Variants in TTLL11 observed in about 807,000 individuals in gnomAD.
TTLL11 encodes tubulin tyrosine ligase like 11.
Under a neutral mutation model 51.7 loss-of-function variants are expected in TTLL11, and 42 were observed. The ratio of observed to expected loss-of-function variants is 0.81; its 90% CI spans 0.64 to 1.05. The LOEUF (loss-of-function observed/expected upper bound fraction) is 1.05, where lower values mean the gene tolerates loss of function less well. Ranked by LOEUF, TTLL11 falls within the 50% of genes least tolerant of loss-of-function variation. The probability of loss-of-function intolerance (pLI) is 0.00; values close to 1 mark genes in which losing one functional copy is unlikely to be tolerated. For missense variants in TTLL11, 799 were observed against 940.4 expected (o/e 0.85, Z 1.97); for synonymous variants, 381 against 383.5 (o/e 0.99, Z 0.08).
chr9:121,998,138 C>T (rs1383655197), intron 3 of TTLL11, among the ~76,000 whole-genome samples: 1 of 152,250 alleles, frequency 6.6e-6, no homozygotes, highest in South Asian at 2.1e-4. Context: ...AGCTCACTTC[C>T]GAATGTATAC....
chr9:121,895,421 TGC>T (rs1207244814), intron 6 of TTLL11, among the ~76,000 whole-genome samples: 2 of 151,848 alleles, frequency 1.3e-5, no homozygotes, highest in Non-Finnish European at 2.9e-5. Flanking sequence ...TGCATGAGTG[TGC>T]GCTGCGTGTG....
At chr9:121,879,202 ACCAGC>A (rs1255588998) in intron 6 of TTLL11, among the ~76,000 whole-genome samples, 1 of 152,106 alleles carries the variant, frequency 6.6e-6, no homozygotes, top group East Asian at 1.9e-4. Flanking sequence ...CTGTCTAGTC[ACCAGC>A]CCTCAGTGGG....
chr9:121,879,375 T>A (rs1186874386), intron 6 of TTLL11, among the ~76,000 whole-genome samples: 1 of 152,170 alleles, frequency 6.6e-6, no homozygotes, highest in East Asian at 1.9e-4. Flanking sequence ...TAACAAACCC[T>A]CCACGTGTGC....
chr9:122,007,821 C>T (rs1843697934), intron 3 of TTLL11, among the ~76,000 whole-genome samples: 2 of 152,166 alleles, frequency 1.3e-5, no homozygotes, highest in Admixed American at 6.5e-5. Context: ...TGAGGAGTAA[C>T]AGGACATTAC....
At chr9:121,928,322 C>T (rs1840822197) in intron 6 of TTLL11, among the ~76,000 whole-genome samples, 1 of 152,156 alleles carries the variant, frequency 6.6e-6, no homozygotes, top group African/African-American at 2.4e-5. Context: ...TGTATACAAG[C>T]TGATGGGTCT....
chr9:121,887,561 G>T (rs558066522), intron 6 of TTLL11, among the ~76,000 whole-genome samples: 1 of 152,188 alleles, frequency 6.6e-6, no homozygotes, highest in African/African-American at 2.4e-5. Context: ...CAGCTCTGCC[G>T]GCTTCAACTC....
intron 1 of TTLL11, among the ~76,000 whole-genome samples, chr9:122,067,297 C>T (rs971164926): frequency 5.9e-5 from 9 of 152,154 alleles, no homozygotes; most frequent in African/African-American, 9.7e-5. Flanking sequence ...GCTTCTCTAC[C>T]ACTCAAAACA....
chr9:121,869,912 G>A (rs1038758295), intron 7 of TTLL11, among the ~76,000 whole-genome samples: 3 of 152,096 alleles, frequency 2.0e-5, no homozygotes, highest in African/African-American at 4.8e-5. Context: ...GAAACCAAGC[G>A]GCAACTGCTA....
chr9:122,043,062 G>A (rs1844890367), intron 1 of TTLL11, among the ~76,000 whole-genome samples: 1 of 152,146 alleles, frequency 6.6e-6, no homozygotes, highest in South Asian at 2.1e-4. Context: ...CACCAAGAGT[G>A]AAGAGTAATG....
chr9:122,057,925 T>C (rs568097028), intron 1 of TTLL11, among the ~76,000 whole-genome samples: 1 of 152,318 alleles, frequency 6.6e-6, no homozygotes, highest in Admixed American at 6.5e-5. Flanking sequence ...TGTCAGGCAC[T>C]GAGGGGTTCA....
At chr9:122,023,257 T>C (rs910759411) in intron 3 of TTLL11, among the ~76,000 whole-genome samples, 5 of 151,908 alleles carry the variant, frequency 3.3e-5, no homozygotes, top group African/African-American at 4.8e-5. Context: ...CAAGAAGAAA[T>C]AGATAATATG....
Position 121,820,099 on chromosome 9 carries a change from C to T in TTLL11, c.*2488G>A, listed in dbSNP as rs1007603656. 3.7e-4 allele frequency among the ~76,000 whole-genome samples: 57 copies of T among 152,180 alleles called. No homozygotes were observed. The highest frequency in any genetic ancestry group is 7.6e-4 in the Non-Finnish European group (52 of 68,018). On this transcript the variant is annotated 3_prime_UTR_variant, in exon 9 of 9. Transcript: ENST00000321582. ...CCCGGGACAGAGGGGCCATGGTGGG[C>T]GGAGCAGCCCGCCTCCAGATGATGG...
intron 6 of TTLL11, among the ~76,000 whole-genome samples, chr9:121,945,847 C>T (rs921090267): frequency 2.0e-5 from 3 of 152,174 alleles, no homozygotes; most frequent in East Asian, 1.9e-4. Context: ...ATTACAAACA[C>T]ACTCCACTTC....
At chr9:122,067,583 G>A (rs372816671) in intron 1 of TTLL11, among the ~76,000 whole-genome samples, 35 of 152,124 alleles carry the variant, frequency 2.3e-4, no homozygotes, top group African/African-American at 7.2e-4. Flanking sequence ...GTGCAATGGC[G>A]CGATCTCAGC....
chr9:121,861,147 T>C (rs1293972016), intron 7 of TTLL11, among the ~76,000 whole-genome samples: 1 of 151,628 alleles, frequency 6.6e-6, no homozygotes. Context: ...GAGTGCAGTA[T>C]TGTAATCTCG....
chr9:121,820,462 C>A lies in TTLL11; in HGVS notation c.*2125G>T, dbSNP rs1213842718. ...CATGGGGGCTTCAAACATTGTTTCTCACAATGGACCATTTAGGAGCCCTGA... is the reference window on the plus strand; with the variant it reads ...CATGGGGGCTTCAAACATTGTTTCTAACAATGGACCATTTAGGAGCCCTGA... On this transcript the variant is annotated 3_prime_UTR_variant, in exon 9 of 9. Coordinates refer to ENST00000321582, the MANE Select transcript of TTLL11 (RefSeq NM_001139442.2). Among the ~76,000 whole-genome samples the A allele has an allele frequency of 4.6e-5, 7 of 152,292 alleles. No homozygotes were observed. The East Asian group carries it at 1.4e-3, about 29-fold the overall frequency.
Position 121,974,088 on chromosome 9 carries a change from C to T in TTLL11, c.1402G>A (p.Val468Ile), listed in dbSNP as rs746974939. 2.3e-5 allele frequency: 35 copies of T among 1,551,642 alleles called. No individual in the cohort carries two copies. The highest frequency in any genetic ancestry group is 4.9e-5 in the East Asian group (2 of 40,906). Residue 468 changes from valine (V) to isoleucine (I), a missense_variant, in exon 6 of 9, where the codon GTT (valine) becomes ATT (isoleucine). Val to Ile is a conservative substitution (Grantham distance 29, BLOSUM62 3). Coordinates refer to ENST00000321582, the MANE Select transcript of TTLL11 (RefSeq NM_001139442.2). Reference sequence around the variant, plus strand: ...ACAGCCACTTTCACTTCTTCATCAACGAGGCTGGGGACATTTTCAAACACC... The same window carrying T: ...ACAGCCACTTTCACTTCTTCATCAATGAGGCTGGGGACATTTTCAAACACC... ...PGVFENVPSLVDEEVKVAVIR... is the reference protein window; with the variant it reads ...PGVFENVPSLIDEEVKVAVIR...
At position 122,074,278 on chromosome 9, in the gene TTLL11, A is replaced by T. The variant is rs995403027; in HGVS notation, c.462+18409T>A. 5.6e-3 allele frequency among the ~76,000 whole-genome samples: 656 copies of T among 116,340 alleles called. 4 individuals carry two copies. Among genetic ancestry groups the T allele is most frequent in the African/African-American group, 0.028 (625 of 22,310 alleles). The allele number at this position is 116,340 out of a possible 152,430, so 76.3% of individuals were successfully genotyped here. On this transcript the variant is annotated intron_variant, in intron 1 of 8. Transcript: ENST00000321582. ...GACAGAGCAAGGCTTCATCTCAATTAAAAAAAAAAAAAAAAGAGTACCATG... is the reference window on the plus strand; with the variant it reads ...GACAGAGCAAGGCTTCATCTCAATTTAAAAAAAAAAAAAAAGAGTACCATG...
intron 1 of TTLL11, among the ~76,000 whole-genome samples, chr9:122,054,403 A>C (rs1386613564): frequency 6.6e-6 from 1 of 152,146 alleles, no homozygotes; most frequent in Non-Finnish European, 1.5e-5. Context: ...ACCCATAAAG[A>C]ATCTTTATTA....
Sources: allele counts gnomAD v4.1 joint callset (sites outside exome capture counted in the v4.1 genomes callset), GRCh38; gene constraint gnomAD v4.1.1; transcripts MANE v1.5; gene names NCBI Gene and HGNC (gene_info 2026-07-23, HGNC 2026-07-21).